NFATC2: variants seen among roughly 807,000 people sequenced by gnomAD.
NFATC2 encodes the protein nuclear factor of activated T-cells, cytoplasmic 2.
NFATC2 carries 22 observed loss-of-function variants against 87.3 expected under a neutral mutation model. That is an observed-to-expected ratio of 0.25 (90% CI 0.18 to 0.36). The LOEUF (loss-of-function observed/expected upper bound fraction) is 0.36. Among genes scored for constraint, NFATC2 ranks in the 10% least tolerant of loss-of-function variants. The pLI, the probability that NFATC2 is intolerant of heterozygous loss-of-function variation, is 1.00. For synonymous variants in NFATC2, 565 were observed against 542.2 expected (o/e 1.04, Z -0.58); for missense variants, 1,149 against 1,259.1 (o/e 0.91, Z 1.32).
chr20:51,475,759 T>C (rs1988660355), intron 3 of NFATC2, 99 bp from the exon 4 acceptor site: 1 of 1,135,682 alleles, frequency 8.8e-7, no homozygotes, highest in Non-Finnish European at 1.3e-6. Flanking sequence ...GTAGAGAGAC[T>C]ATGGGATTTC....
upstream of NFATC2, among the ~76,000 whole-genome samples, chr20:51,546,784 C>T (rs556240218): frequency 2.0e-5 from 3 of 152,110 alleles, no homozygotes; most frequent in Admixed American, 6.5e-5. Context: ...GGAAACCTGA[C>T]GTAGACAGGG....
At chr20:51,543,598 G>C (rs1383128750), upstream of NFATC2, among the ~76,000 whole-genome samples, 1 of 152,158 alleles carries the variant, frequency 6.6e-6, no homozygotes, top group Non-Finnish European at 1.5e-5. Context: ...AGTTCTGATG[G>C]GGCGGTTGGC....
At chr20:51,439,318 AG>A (rs1030956145) in intron 6 of NFATC2, among the ~76,000 whole-genome samples, 11 of 152,192 alleles carry the variant, frequency 7.2e-5, no homozygotes, top group African/African-American at 1.9e-4. Flanking sequence ...CCCATCCTAC[AG>A]GGGAGGACAC....
chr20:51,432,408 C>A lies in NFATC2; in HGVS notation c.2381G>T (p.Ser794Ile). 1 of 1,598,178 alleles carries A rather than the reference C, an allele frequency of 6.3e-7. No individual in the cohort carries two copies. Residue 794 changes from serine to isoleucine, a missense_variant, in exon 9 of 11, where the codon AGC (serine) becomes ATC (isoleucine). Physicochemically the swap from Ser to Ile is moderately radical, Grantham distance 142. Coordinates refer to ENST00000371564, the MANE Select transcript of NFATC2 (RefSeq NM_012340.5). The surrounding 1 kb of genome is among the most constrained non-coding windows in gnomAD (Gnocchi z 4.6). ...CGGAGAGGGGTGGAGCAGGGCTGAG[C>A]TCTGGCCCTGGGAGCCGGCGTGCAC... is the stretch of plus-strand genomic sequence containing the variant. ...VLVHAGSQGQSSALLHPSPTN... is the reference protein window; with the variant it reads ...VLVHAGSQGQISALLHPSPTN...
intron 8 of NFATC2, among the ~76,000 whole-genome samples, chr20:51,434,338 C>T (rs1292538136): frequency 2.0e-5 from 3 of 152,188 alleles, no homozygotes; most frequent in Non-Finnish European, 2.9e-5. Flanking sequence ...GCAAATTATA[C>T]CCTGGGTGAT....
chr20:51,428,230 T>C (rs754950984), intron 9 of NFATC2, among the ~76,000 whole-genome samples: 1 of 151,908 alleles, frequency 6.6e-6, no homozygotes, highest in Admixed American at 6.6e-5. Context: ...CAGGTACAAT[T>C]TGGGGCCTTA....
intron 10 of NFATC2, among the ~76,000 whole-genome samples, chr20:51,395,210 C>T (rs148913833): frequency 5.9e-5 from 9 of 151,698 alleles, no homozygotes; most frequent in South Asian, 2.1e-4. Context: ...TCCTAGGTAA[C>T]GTCATCATCC....
chr20:51,492,748 C>T (rs2075916555), intron 3 of NFATC2, among the ~76,000 whole-genome samples: 1 of 152,176 alleles, frequency 6.6e-6, no homozygotes. Context: ...TTAAGGCTCA[C>T]GCCACACAAG....
chr20:51,537,970 C>A (rs1023072335), intron 1 of NFATC2, among the ~76,000 whole-genome samples: 2 of 152,168 alleles, frequency 1.3e-5, no homozygotes, highest in African/African-American at 2.4e-5. Context: ...TGTAAAGAGA[C>A]CAATTCCCAC....
intron 10 of NFATC2, among the ~76,000 whole-genome samples, chr20:51,396,515 G>A (rs1023718462): frequency 1.1e-4 from 17 of 152,206 alleles, no homozygotes; most frequent in East Asian, 1.9e-4. Flanking sequence ...CCTGCTTCTC[G>A]CTCAAACCTC....
chr20:51,443,173 C>T (rs572816253), intron 6 of NFATC2, among the ~76,000 whole-genome samples: 1 of 152,030 alleles, frequency 6.6e-6, no homozygotes. Context: ...GGAGACCCCC[C>T]CTTCATCCTA....
intron 5 of NFATC2, among the ~76,000 whole-genome samples, chr20:51,470,368 G>C (rs979139713): frequency 2.6e-5 from 4 of 152,186 alleles, no homozygotes; most frequent in African/African-American, 9.7e-5. Flanking sequence ...GGAAACACAA[G>C]AGTGCCAGTC....
intron 10 of NFATC2, among the ~76,000 whole-genome samples, chr20:51,396,553 C>T (rs1025793648): frequency 2.6e-5 from 4 of 152,142 alleles, no homozygotes; most frequent in African/African-American, 4.8e-5. Context: ...TCTGGTGAGA[C>T]CACGTGAGTG....
At chr20:51,447,617 C>A (rs1319611158) in intron 6 of NFATC2, among the ~76,000 whole-genome samples, 1 of 152,214 alleles carries the variant, frequency 6.6e-6, no homozygotes, top group African/African-American at 2.4e-5. Context: ...TCCTGTTTTG[C>A]AATGTTTTGC....
At chr20:51,541,803 C>T (rs1018809175) in intron 1 of NFATC2, among the ~76,000 whole-genome samples, 4 of 152,158 alleles carry the variant, frequency 2.6e-5, no homozygotes, top group Admixed American at 2.6e-4. Flanking sequence ...GACAGACAAC[C>T]TCTTCCTCAG....
chr20:51,543,975 A>ATTTTTTTTTTTTTTTTT (rs11473264), upstream of NFATC2, among the ~76,000 whole-genome samples: 33 of 72,980 alleles, frequency 4.5e-4, 5 homozygotes, highest in South Asian at 2.5e-3. Context: ...AGAATTCCTA[A>ATTTTTTTTTTTTTTTTT]TTTTTTTTTT....
rs1295267397 is a variant in NFATC2, at chr20:51,523,504, G to A, written c.737C>T (p.Ser246Leu). Residue 246 changes from serine to leucine, a missense_variant, in exon 2 of 11, where the codon TCA becomes TTA. By Grantham distance (145) the Ser-to-Leu change is moderately radical. Around this residue, in one of 3 missense-constraint regions of NFATC2, gnomAD observed 563 missense variants for 585.2 expected, o/e 0.96. Coordinates refer to ENST00000371564, the MANE Select transcript of NFATC2 (RefSeq NM_012340.5). This position sits in a 1 kb window ranked among gnomAD's most constrained non-coding sequence, Gnocchi z 6.9. The stretch of plus-strand genomic sequence containing the variant: ...ATGCCTCCGCTTGGCACCAGGCGAT[G>A]AGGAGCGGGAGGCCGGACGGGGCAC... The part of the protein sequence containing the change: ...SPVPRPASRS[S>L]SPGAKRRHSC... The A allele has an allele frequency of 2.5e-6, 4 of 1,612,896 alleles. No individual in the cohort carries two copies. The highest frequency in any genetic ancestry group is 1.7e-5 in the Admixed American group (1 of 59,778).
upstream of NFATC2, among the ~76,000 whole-genome samples, chr20:51,545,882 G>T (rs1177218689): frequency 2.0e-5 from 3 of 152,184 alleles, no homozygotes; most frequent in East Asian, 5.8e-4. Context: ...TGAATGTGTT[G>T]CACGGATGAG....
At chr20:51,490,923 T>C (rs2075871431) in intron 3 of NFATC2, among the ~76,000 whole-genome samples, 1 of 152,212 alleles carries the variant, frequency 6.6e-6, no homozygotes, top group Admixed American at 6.5e-5. Context: ...GCTGAAGCAC[T>C]GGGTTTGGGG....
Sources: allele counts gnomAD v4.1 joint callset (sites outside exome capture counted in the v4.1 genomes callset), GRCh38; gene constraint gnomAD v4.1.1; regional missense constraint gnomAD v4.1.1; non-coding constraint Gnocchi (gnomAD v3.1); transcripts MANE v1.5; gene names NCBI Gene and HGNC (gene_info 2026-07-23, HGNC 2026-07-21).